The following TPRA1 variants were observed in gnomAD, a reference collection of about 807,000 sequenced individuals.
TPRA1 encodes the protein transmembrane protein adipocyte-associated 1.
A neutral mutation model predicts 40.1 loss-of-function variants in TPRA1; 28 were observed. The observed-to-expected ratio is 0.70, with a 90% CI of 0.52 to 0.96. TPRA1 has a LOEUF of 0.96. Ranked by LOEUF, TPRA1 falls within the 40% of genes least tolerant of loss-of-function variation. TPRA1 has a pLI of 0.00. For synonymous variants in TPRA1, 219 were observed against 209.7 expected (o/e 1.04, Z -0.38); for missense variants, 441 against 482.6 (o/e 0.91, Z 0.81).
At chr3:127,574,060 G>T (rs75169260) in intron 10 of TPRA1, among the ~76,000 whole-genome samples, 5,178 of 152,268 alleles carry the variant, frequency 0.034, 239 homozygotes, top group East Asian at 0.21. Context: ...TGTGGAGGAA[G>T]AATGGACATA....
chr3:127,573,223 G>C lies in TPRA1; in HGVS notation c.*298C>G. 1 of 343,180 alleles carries C rather than the reference G, an allele frequency of 2.9e-6. No homozygotes were observed. The highest frequency in any genetic ancestry group is 2.0e-5 in the African/African-American group (1 of 49,050). The allele number at this position is 343,180 out of a possible 1,614,324, so 21.3% of individuals were successfully genotyped here. On this transcript the variant is annotated 3_prime_UTR_variant, in exon 11 of 11. Transcript: ENST00000355552. ...GCCCTGCCCTCGTGCCAAGGGTGCA[G>C]AGAAGGAGGGTGCCCTCAGCCAACC...
intron 1 of TPRA1, among the ~76,000 whole-genome samples, chr3:127,588,412 C>A (rs2074065580): frequency 6.7e-6 from 1 of 150,200 alleles, no homozygotes; most frequent in African/African-American, 2.5e-5. Flanking sequence ...ATAACTGAAG[C>A]ACTGACTTTT....
intron 1 of TPRA1, among the ~76,000 whole-genome samples, chr3:127,589,384 G>A (rs1344157837): frequency 1.3e-5 from 2 of 151,944 alleles, no homozygotes; most frequent in South Asian, 2.1e-4. Flanking sequence ...CCACACCGAC[G>A]GGTTGTTGAG....
chr3:127,572,051 A>G lies in TPRA1; in HGVS notation c.*1470T>C, dbSNP rs926883255. On this transcript the variant is annotated 3_prime_UTR_variant, in exon 11 of 11. Coordinates refer to ENST00000355552, the MANE Select transcript of TPRA1 (RefSeq NM_001136053.4). The stretch of plus-strand genomic sequence containing the variant: ...TTTACATGAGCTGAGAGGCCCCGAT[A>G]AAGTATGCCATTCAGGGGCACCCTG... Among the ~76,000 whole-genome samples the G allele has an allele frequency of 3.3e-4, 50 of 152,166 alleles. No individual in the cohort carries two copies. Among genetic ancestry groups the G allele is most frequent in the East Asian group, 3.9e-4 (2 of 5,168 alleles).
At chr3:127,590,977 C>T (rs2074156650), upstream of TPRA1, 1 of 152,266 alleles carries the variant, frequency 6.6e-6, no homozygotes, top group Admixed American at 6.5e-5. Flanking sequence ...CGGGCGGAAT[C>T]GAAGACTGGA....
intron 1 of TPRA1, among the ~76,000 whole-genome samples, chr3:127,585,779 C>G (rs67178459): frequency 0.1 from 15,492 of 152,192 alleles, 825 homozygotes; most frequent in African/African-American, 0.12. Flanking sequence ...AGGATCCCTC[C>G]ATAAAACCTA....
At position 127,577,045 on chromosome 3, in the gene TPRA1, CG is replaced by C; in HGVS notation, c.289del (p.Arg97GlyfsTer6). 1 of 1,613,572 alleles carries C rather than the reference CG, an allele frequency of 6.2e-7. No individual in the cohort carries two copies. Among genetic ancestry groups the C allele is most frequent in the Non-Finnish European group, 8.5e-7 (1 of 1,180,018 alleles). The stretch of plus-strand genomic sequence containing the variant: ...GCTCACCGTCATGGATACCACGGCC[CG>C]GGCAATGCCCACCAGCGCCACCACA... ...VFVVALVGIA[R>X]AVVSMTVSTS... On this transcript the variant is annotated frameshift_variant, in exon 4 of 11. Coordinates refer to ENST00000355552, the MANE Select transcript of TPRA1 (RefSeq NM_001136053.4). LOFTEE classifies it high-confidence loss of function.
At chr3:127,575,552 C>T (rs1401859426) in intron 8 of TPRA1, 47 bp from the exon 9 acceptor site, 1 of 1,493,008 alleles carries the variant, frequency 6.7e-7, no homozygotes, top group African/African-American at 1.4e-5. Flanking sequence ...CTGGACAGGC[C>T]AGGCTCTGCC....
At position 127,578,613 on chromosome 3, in the gene TPRA1, A is replaced by G. The variant is rs142818578; in HGVS notation, c.258+1127T>C. On this transcript the variant is annotated intron_variant, in intron 3 of 10. Coordinates refer to ENST00000355552, the MANE Select transcript of TPRA1 (RefSeq NM_001136053.4). ...TAATATCTGTTGAATAAATACACAA[A>G]TGAATAAATGGTGAGAGAAGCAGTG... is the stretch of plus-strand genomic sequence containing the variant. Among the ~76,000 whole-genome samples the G allele has an allele frequency of 2.8e-4, 43 of 152,340 alleles. No homozygotes were observed. The East Asian group carries it at 5.2e-3, about 18-fold the overall frequency.
At chr3:127,584,989 G>A (rs1194538637) in intron 1 of TPRA1, among the ~76,000 whole-genome samples, 1 of 152,094 alleles carries the variant, frequency 6.6e-6, no homozygotes, top group Non-Finnish European at 1.5e-5. Flanking sequence ...GGGTAACAGA[G>A]CAATGAGAAA....
upstream of TPRA1, among the ~76,000 whole-genome samples, chr3:127,594,469 G>A (rs1048841346): frequency 6.6e-6 from 1 of 152,198 alleles, no homozygotes; most frequent in Non-Finnish European, 1.5e-5. Context: ...GTCATCTATA[G>A]TAGAGAACTA....
At chr3:127,595,308 C>T (rs1332872862), upstream of TPRA1, 1 of 152,470 alleles carries the variant, frequency 6.6e-6, no homozygotes, top group East Asian at 1.9e-4. Context: ...AAGCCATATC[C>T]CACTCCAGTG....
chr3:127,592,373 T>TTG, upstream of TPRA1, among the ~76,000 whole-genome samples: 1 of 129,640 alleles, frequency 7.7e-6, no homozygotes, highest in African/African-American at 2.9e-5. Context: ...TGCTGTTTTT[T>TTG]TTTTTTTTTT....
rs544478164 is a variant in TPRA1 at position 127,588,452 on chromosome 3, G to A, written c.-18+1958C>T. On this transcript the variant is annotated intron_variant, in intron 1 of 10. Coordinates refer to ENST00000355552, the MANE Select transcript of TPRA1 (RefSeq NM_001136053.4). The stretch of plus-strand genomic sequence containing the variant: ...TTTTTTTTTTTTGAGACAGAGTCTC[G>A]CTTTGTCACCTAGGCTGGAGTGCAA... Among the ~76,000 whole-genome samples the A allele has an allele frequency of 1.9e-3, 267 of 141,382 alleles. 2 individuals carry two copies. Among genetic ancestry groups the A allele is most frequent in the African/African-American group, 6.9e-3 (256 of 37,266 alleles). The allele number at this position is 141,382 out of a possible 152,430, so 92.8% of individuals were successfully genotyped here.
At chr3:127,581,718 G>A (rs2073838422) in intron 1 of TPRA1, among the ~76,000 whole-genome samples, 1 of 151,194 alleles carries the variant, frequency 6.6e-6, no homozygotes. Flanking sequence ...TTCGGGACCA[G>A]CCTAGACAAC....
intron 1 of TPRA1, among the ~76,000 whole-genome samples, chr3:127,584,101 C>G (rs1003093226): frequency 6.7e-6 from 1 of 149,258 alleles, no homozygotes; most frequent in Non-Finnish European, 1.5e-5. Context: ...AAGCCAACAA[C>G]AAGCATGAAA....
upstream of TPRA1, among the ~76,000 whole-genome samples, chr3:127,592,367 GTTTTTTTTTTTTTT>G (rs746017013): frequency 3.3e-4 from 29 of 88,536 alleles, no homozygotes; most frequent in Non-Finnish European, 4.7e-4. Context: ...GCAACATGCT[GTTTTTTTTTTTTTT>G]TTTTTTTTTT....
In TPRA1 at chr3:127,575,735, G is replaced by T; in HGVS notation, c.670+14C>A. ...CATCCCCGCCTGTCCCAGAGCCGCCGGCCAGCTGCTCACAAGGCAGGGAGA... is the reference window on the plus strand; with the variant it reads ...CATCCCCGCCTGTCCCAGAGCCGCCTGCCAGCTGCTCACAAGGCAGGGAGA... On this transcript the variant is annotated intron_variant, in intron 8 of 10. Transcript: ENST00000355552. 1 of 1,613,180 alleles carries T rather than the reference G, an allele frequency of 6.2e-7. No homozygotes were observed. Among genetic ancestry groups the T allele is most frequent in the Non-Finnish European group, 8.5e-7 (1 of 1,179,782 alleles).
chr3:127,575,591 G>A (rs1202942944), intron 8 of TPRA1, 86 bp from the exon 9 acceptor site: 7 of 1,461,920 alleles, frequency 4.8e-6, no homozygotes, highest in Non-Finnish European at 5.6e-6. Context: ...CAAGCCTGGT[G>A]TGTCCCCCGG....
Sources: gnomAD v4.1 joint callset for allele counts (sites outside exome capture counted in the v4.1 genomes callset) on GRCh38, gnomAD v4.1.1 for gene constraint, MANE v1.5 for transcripts, NCBI Gene and HGNC (gene_info 2026-07-23, HGNC 2026-07-21) for gene names.